NPAS3: variants seen among roughly 807,000 people sequenced by gnomAD.
NPAS3 encodes the protein neuronal PAS domain-containing protein 3.
Under a neutral mutation model 73.1 loss-of-function variants are expected in NPAS3, and 14 were observed. That is an observed-to-expected ratio of 0.19 (90% CI 0.13 to 0.30). The LOEUF is 0.30. NPAS3 is among the 10% of genes least tolerant of loss of function. The pLI is 1.00. For synonymous variants in NPAS3, 620 were observed against 541.5 expected (o/e 1.14, Z -2.01); for missense variants, 1,096 against 1,250.0 (o/e 0.88, Z 1.86).
intron 5 of NPAS3, among the ~76,000 whole-genome samples, chr14:33,652,842 C>T (rs977576707): frequency 2.0e-5 from 3 of 152,180 alleles, no homozygotes; most frequent in Admixed American, 2.0e-4. Flanking sequence ...ATGCAATAAG[C>T]TGTCCAGGGC....
At chr14:33,455,580 A>G (rs1454632888) in intron 4 of NPAS3, among the ~76,000 whole-genome samples, 7 of 152,210 alleles carry the variant, frequency 4.6e-5, no homozygotes, top group Non-Finnish European at 1.0e-4. Context: ...GCATGAGCTG[A>G]GCTTGTGTTG....
chr14:33,573,804 G>A (rs1400497625), intron 5 of NPAS3, among the ~76,000 whole-genome samples: 2 of 152,114 alleles, frequency 1.3e-5, no homozygotes, highest in Non-Finnish European at 2.9e-5. Flanking sequence ...AAAAAGAAAT[G>A]GAGGATAGAA....
At chr14:33,166,783 G>A (rs1388426146) in intron 2 of NPAS3, among the ~76,000 whole-genome samples, 2 of 151,912 alleles carry the variant, frequency 1.3e-5, no homozygotes, top group African/African-American at 4.8e-5. Flanking sequence ...AATTTGGGGT[G>A]GAAAAAATAT....
intron 3 of NPAS3, among the ~76,000 whole-genome samples, chr14:33,335,726 A>G (rs904626254): frequency 3.9e-5 from 6 of 152,102 alleles, no homozygotes; most frequent in African/African-American, 1.4e-4. Context: ...TCTGGCTGTT[A>G]GTAATCTTAT....
Position 33,597,012 on chromosome 14 carries a change from C to T in NPAS3, c.558+36802C>T, listed in dbSNP as rs529939791. ...GTAGTGTGTTGTTCCCTCCAGATTG[C>T]GGGGTGGGACTGGATTTCTGCAGAT... is the stretch of plus-strand genomic sequence containing the variant. On this transcript the variant is annotated intron_variant, in intron 5 of 11. Coordinates refer to ENST00000356141, the Ensembl canonical transcript of NPAS3. Among the ~76,000 whole-genome samples the T allele has an allele frequency of 9.2e-5, 14 of 152,222 alleles. No individual in the cohort carries two copies. The East Asian group carries it at 1.4e-3, about 15-fold the overall frequency.
chr14:32,956,501 C>T (rs2036676513), intron 1 of NPAS3, among the ~76,000 whole-genome samples: 1 of 152,136 alleles, frequency 6.6e-6, no homozygotes, highest in Admixed American at 6.5e-5. Flanking sequence ...TGAGCTAAAC[C>T]TTGATAAACT....
chr14:33,031,343 T>C (rs1389732297), intron 1 of NPAS3, among the ~76,000 whole-genome samples: 1 of 152,204 alleles, frequency 6.6e-6, no homozygotes, highest in Admixed American at 6.5e-5. Context: ...TCCAGTTTTA[T>C]GATGAGGGAA....
intron 3 of NPAS3, among the ~76,000 whole-genome samples, chr14:33,320,400 G>A (rs1382817980): frequency 6.6e-6 from 1 of 152,120 alleles, no homozygotes; most frequent in Non-Finnish European, 1.5e-5. Context: ...TAACAAATCT[G>A]CACGTTGTGC....
chr14:33,759,758 C>CT (rs1338036813), intron 7 of NPAS3, among the ~76,000 whole-genome samples: 1 of 152,160 alleles, frequency 6.6e-6, no homozygotes, highest in Non-Finnish European at 1.5e-5. Context: ...TTAGTCCTGA[C>CT]TGAGTAGCGT....
intron 2 of NPAS3, among the ~76,000 whole-genome samples, chr14:33,094,527 G>A (rs1024535072): frequency 6.7e-6 from 1 of 150,304 alleles, no homozygotes; most frequent in African/African-American, 2.5e-5. Flanking sequence ...GTGCAGTGGT[G>A]TGATCTCAGC....
chr14:33,353,084 GA>G (rs997316000), intron 3 of NPAS3, among the ~76,000 whole-genome samples: 16 of 146,354 alleles, frequency 1.1e-4, no homozygotes, highest in African/African-American at 3.0e-4. Flanking sequence ...TGAAATTCCA[GA>G]AAAAAAAATC....
intron 3 of NPAS3, among the ~76,000 whole-genome samples, chr14:33,247,039 GAGAA>G (rs796205346): frequency 2.4e-4 from 37 of 151,590 alleles, no homozygotes; most frequent in African/African-American, 7.7e-4. Context: ...AAACAAAAAA[GAGAA>G]AGAAAGAAAG....
intron 4 of NPAS3, among the ~76,000 whole-genome samples, chr14:33,443,853 G>A (rs1239324549): frequency 6.6e-6 from 1 of 152,130 alleles, no homozygotes; most frequent in African/African-American, 2.4e-5. Context: ...ATTCGGGTAG[G>A]GTATAATGTT....
chr14:33,366,490 A>T (rs1204691266), intron 3 of NPAS3, among the ~76,000 whole-genome samples: 1 of 152,130 alleles, frequency 6.6e-6, no homozygotes, highest in African/African-American at 2.4e-5. Context: ...TAGTGAGAAA[A>T]CAGGAGTGTT....
At chr14:33,652,100 C>T (rs2059011485) in intron 5 of NPAS3, among the ~76,000 whole-genome samples, 1 of 152,070 alleles carries the variant, frequency 6.6e-6, no homozygotes, top group Non-Finnish European at 1.5e-5. Context: ...GCTACTTTTA[C>T]TTGTATTAAA....
At chr14:33,602,553 CT>C (rs1226434363) in intron 5 of NPAS3, among the ~76,000 whole-genome samples, 1 of 152,234 alleles carries the variant, frequency 6.6e-6, no homozygotes, top group African/African-American at 2.4e-5. Flanking sequence ...GCACTCACCT[CT>C]TGCGCTGCAG....
At chr14:33,149,424 A>T (rs1046632407) in intron 2 of NPAS3, among the ~76,000 whole-genome samples, 4 of 152,194 alleles carry the variant, frequency 2.6e-5, no homozygotes, top group African/African-American at 9.7e-5. Flanking sequence ...CCTTCTCATG[A>T]CTATCTTCTT....
intron 7 of NPAS3, among the ~76,000 whole-genome samples, chr14:33,760,570 T>C (rs970653557): frequency 8.5e-5 from 13 of 152,130 alleles, no homozygotes; most frequent in East Asian, 3.9e-4. Context: ...TTCATACATC[T>C]GTCATTCAAC....
chr14:33,515,874 C>T (rs1209319256), intron 4 of NPAS3, among the ~76,000 whole-genome samples: 1 of 152,108 alleles, frequency 6.6e-6, no homozygotes, highest in South Asian at 2.1e-4. Flanking sequence ...ATTCACATGT[C>T]CCCAAAGACT....
Sources: allele counts gnomAD v4.1 joint callset (sites outside exome capture counted in the v4.1 genomes callset), GRCh38; gene constraint gnomAD v4.1.1; transcripts MANE v1.5; gene names NCBI Gene and HGNC (gene_info 2026-07-23, HGNC 2026-07-21).